BIN3: variants seen among roughly 807,000 people sequenced by gnomAD.
BIN3 encodes the protein bridging integrator 3.
A neutral mutation model predicts 38.2 loss-of-function variants in BIN3; 41 were observed. That is an observed-to-expected ratio of 1.07 (90% CI 0.84 to 1.39). The LOEUF (loss-of-function observed/expected upper bound fraction) is 1.39, where lower values mean the gene tolerates loss of function less well. Among genes scored for constraint, BIN3 ranks in the 40% most tolerant of loss-of-function variants. BIN3 has a pLI of 0.00. For synonymous variants in BIN3, 145 were observed against 122.6 expected (o/e 1.18, Z -1.21); for missense variants, 361 against 324.3 (o/e 1.11, Z -0.87).
At chr8:22,655,577 T>A (rs374802830) in intron 1 of BIN3, among the ~76,000 whole-genome samples, 28 of 152,330 alleles carry the variant, frequency 1.8e-4, no homozygotes, top group African/African-American at 6.7e-4. Flanking sequence ...TACAAATCAA[T>A]TGTCCATATA....
At chr8:22,658,197 G>C (rs1803121339) in intron 1 of BIN3, among the ~76,000 whole-genome samples, 1 of 152,166 alleles carries the variant, frequency 6.6e-6, no homozygotes, top group Admixed American at 6.5e-5. Context: ...AGATATTTTA[G>C]TCTCAGCAAC....
At chr8:22,654,831 G>C (rs1462158526) in intron 1 of BIN3, among the ~76,000 whole-genome samples, 1 of 152,120 alleles carries the variant, frequency 6.6e-6, no homozygotes, top group Non-Finnish European at 1.5e-5. Context: ...TACTTCTCTT[G>C]GGCATATATC....
chr8:22,648,892 AACGT>A (rs1171530597), intron 1 of BIN3, among the ~76,000 whole-genome samples: 7 of 108,212 alleles, frequency 6.5e-5, no homozygotes, highest in Admixed American at 9.9e-5. Context: ...TATCCACATC[AACGT>A]ATGTATGTAT....
chr8:22,627,561 C>A (rs1802041300), intron 6 of BIN3, among the ~76,000 whole-genome samples: 1 of 152,130 alleles, frequency 6.6e-6, no homozygotes, highest in South Asian at 2.1e-4. Flanking sequence ...CCCACAGAGG[C>A]CCTGCTGACT....
At chr8:22,649,339 C>A (rs1373787408) in intron 1 of BIN3, among the ~76,000 whole-genome samples, 1 of 151,510 alleles carries the variant, frequency 6.6e-6, no homozygotes, top group African/African-American at 2.4e-5. Context: ...AAAAATTCTA[C>A]CCTTTACAGT....
intron 6 of BIN3, among the ~76,000 whole-genome samples, chr8:22,628,890 C>T (rs7843758): frequency 0.11 from 17,342 of 152,254 alleles, 2,135 homozygotes; most frequent in African/African-American, 0.3. Context: ...CAGCTCCCTA[C>T]GCAACCCTGT....
In BIN3 at chr8:22,645,165, C is replaced by CA. The variant is rs61368703; in HGVS notation, c.9-363dup. Reference sequence around the variant, plus strand: ...AAGCGACAGAGCAAGACCCTATCTCCAAAAAAAAAAAAAAAAATCCGCTGG... The same window carrying CA: ...AAGCGACAGAGCAAGACCCTATCTCCAAAAAAAAAAAAAAAAAATCCGCTGG... On this transcript the variant is annotated intron_variant, in intron 1 of 8. Coordinates refer to ENST00000276416, the MANE Select transcript of BIN3 (RefSeq NM_018688.6). Among the ~76,000 whole-genome samples, 432 of 120,326 alleles carry CA rather than the reference C, an allele frequency of 3.6e-3. 1 individual carries two copies. Among genetic ancestry groups the CA allele is most frequent in the Middle Eastern group, 0.019 (4 of 214 alleles). 78.9% of individuals were successfully genotyped at this position (120,326 alleles called of 152,430 possible).
chr8:22,654,942 C>T (rs1009467176), intron 1 of BIN3, among the ~76,000 whole-genome samples: 10 of 152,284 alleles, frequency 6.6e-5, no homozygotes, highest in African/African-American at 2.4e-4. Flanking sequence ...ACATTCCCAC[C>T]AGTGGTATAT....
At chr8:22,631,257 C>T (rs1334035647) in intron 4 of BIN3, among the ~76,000 whole-genome samples, 1 of 152,168 alleles carries the variant, frequency 6.6e-6, no homozygotes, top group Non-Finnish European at 1.5e-5. Context: ...TGTGTTTTCC[C>T]CCAAGACTCG....
At chr8:22,637,399 C>T (rs1262877970) in intron 2 of BIN3, among the ~76,000 whole-genome samples, 1 of 152,216 alleles carries the variant, frequency 6.6e-6, no homozygotes, top group South Asian at 2.1e-4. Context: ...ATGCAGGGCA[C>T]CTCCCCTCCT....
At chr8:22,644,914 C>G in intron 1 of BIN3, 111 bp from the exon 2 acceptor site, 1 of 924,044 alleles carries the variant, frequency 1.1e-6, no homozygotes, top group Admixed American at 2.1e-5. Flanking sequence ...GAAGCGTGGC[C>G]ATGGCTTGCT....
chr8:22,628,244 G>A (rs987337354), intron 6 of BIN3, among the ~76,000 whole-genome samples: 1 of 152,256 alleles, frequency 6.6e-6, no homozygotes, highest in Admixed American at 6.5e-5. Context: ...GGGGATTAGA[G>A]GCCGAGCCCC....
At chr8:22,641,004 G>C (rs962102702) in intron 2 of BIN3, among the ~76,000 whole-genome samples, 1 of 152,154 alleles carries the variant, frequency 6.6e-6, no homozygotes, top group African/African-American at 2.4e-5. Flanking sequence ...ACTGGTCCGA[G>C]AGTTCTCTCC....
chr8:22,668,484 C>T (rs1803499216), intron 1 of BIN3, among the ~76,000 whole-genome samples: 1 of 152,188 alleles, frequency 6.6e-6, no homozygotes, highest in African/African-American at 2.4e-5. Flanking sequence ...TGATTAAAAC[C>T]AGTCCAATCC....
intron 6 of BIN3, chr8:22,625,778 G>A (rs1313130745): frequency 5.2e-6 from 1 of 193,972 alleles, no homozygotes; most frequent in Non-Finnish European, 1.1e-5. Flanking sequence ...AGTGGAGACG[G>A]GGTTTCACCA....
intron 1 of BIN3, among the ~76,000 whole-genome samples, chr8:22,648,460 A>G (rs1802780648): frequency 1.3e-5 from 2 of 152,038 alleles, no homozygotes; most frequent in Non-Finnish European, 2.9e-5. Flanking sequence ...CTGGTCAGGC[A>G]TTTTACAGAA....
intron 4 of BIN3, among the ~76,000 whole-genome samples, chr8:22,633,160 T>G (rs1014031737): frequency 1.3e-5 from 2 of 152,004 alleles, no homozygotes; most frequent in East Asian, 3.9e-4. Flanking sequence ...AGAGCTGGGG[T>G]AGATGACACC....
At chr8:22,664,963 T>A (rs1803365859) in intron 1 of BIN3, among the ~76,000 whole-genome samples, 1 of 152,244 alleles carries the variant, frequency 6.6e-6, no homozygotes, top group Admixed American at 6.5e-5. Context: ...AATTACCTGT[T>A]AGATACCCAC....
intron 1 of BIN3, among the ~76,000 whole-genome samples, chr8:22,645,314 A>G (rs1421175917): frequency 1.3e-5 from 2 of 152,012 alleles, no homozygotes; most frequent in African/African-American, 4.8e-5. Context: ...AAAAAACACA[A>G]AAAAACAACC....
Sources: gnomAD v4.1 joint callset for allele counts (sites outside exome capture counted in the v4.1 genomes callset) on GRCh38, gnomAD v4.1.1 for gene constraint, MANE v1.5 for transcripts, NCBI Gene and HGNC (gene_info 2026-07-23, HGNC 2026-07-21) for gene names.